The following SDK1 variants were observed in gnomAD, a reference collection of about 807,000 sequenced individuals.
SDK1 encodes the protein sidekick cell adhesion molecule 1, also known as protein sidekick-1.
Under a neutral mutation model 245.5 loss-of-function variants are expected in SDK1, and 157 were observed. That is an observed-to-expected ratio of 0.64 (90% CI 0.56 to 0.73). The LOEUF (loss-of-function observed/expected upper bound fraction) is 0.73. Among genes scored for constraint, SDK1 ranks in the 30% least tolerant of loss-of-function variants. The pLI, the probability that SDK1 is intolerant of heterozygous loss-of-function variation, is 0.00. For missense variants in SDK1, 3,583 were observed against 3,002.3 expected (o/e 1.19, Z -4.52); for synonymous variants, 1,647 against 1,278.5 (o/e 1.29, Z -6.15).
chr7:4,186,666 G>C (rs1167330174), intron 35 of SDK1, among the ~76,000 whole-genome samples: 2 of 152,166 alleles, frequency 1.3e-5, no homozygotes, highest in Non-Finnish European at 2.9e-5. Context: ...TGCCGTCAAT[G>C]AGTAGAGCCC....
rs1562626491 is a variant in SDK1, at chr7:3,988,156, TTAC to T, written c.2131+835_2131+837del. ...TGTTTTTTTTTTTTTTTTTTTTTTT[TTAC>T]CTCACTCCTGCAGCCACCCAAATCT... On this transcript the variant is annotated intron_variant, in intron 14 of 44. Transcript: ENST00000404826. Among the ~76,000 whole-genome samples the T allele has an allele frequency of 4.6e-3, 555 of 121,050 alleles. 3 individuals carry two copies. The highest frequency in any genetic ancestry group is 0.018 in the African/African-American group (522 of 29,774). 79.4% of individuals were successfully genotyped at this position (121,050 alleles called of 152,430 possible).
Position 3,954,754 on chromosome 7 carries a change from G to T in SDK1, c.1150+2834G>T, listed in dbSNP as rs184060080. ...CATCCATAAAATGGAGATGGATGTAGATGGTACCAGCTCATATTGTGAAGG... is the reference window on the plus strand; with the variant it reads ...CATCCATAAAATGGAGATGGATGTATATGGTACCAGCTCATATTGTGAAGG... On this transcript the variant is annotated intron_variant, in intron 7 of 44. Transcript: ENST00000404826. 2.8e-3 allele frequency among the ~76,000 whole-genome samples: 425 copies of T among 150,516 alleles called. 1 individual carries two copies. Among genetic ancestry groups the T allele is most frequent in the Non-Finnish European group, 4.8e-3 (328 of 67,742 alleles).
rs920158968 is a variant in SDK1 at position 4,267,761 on chromosome 7, G to A, written c.*2377G>A. On this transcript the variant is annotated 3_prime_UTR_variant, in exon 45 of 45. Coordinates refer to ENST00000404826, the MANE Select transcript of SDK1 (RefSeq NM_152744.4). ...CTTCTGTTTCAAGCTCATGTTTTCCGTCTCCCCTCCACTCTTAGTAAACCT... is the reference window on the plus strand; with the variant it reads ...CTTCTGTTTCAAGCTCATGTTTTCCATCTCCCCTCCACTCTTAGTAAACCT... The A allele has an allele frequency of 1.1e-4, 111 of 985,296 alleles. No homozygotes were observed. The highest frequency in any genetic ancestry group is 2.5e-4 in the Admixed American group (4 of 16,258). The allele number at this position is 985,296 out of a possible 1,614,324, so 61.0% of individuals were successfully genotyped here.
chr7:3,987,148 G>A (rs752363815), intron 13 of SDK1, 38 bp from the exon 14 acceptor site: 9 of 1,611,692 alleles, frequency 5.6e-6, no homozygotes, highest in African/African-American at 1.3e-5. Flanking sequence ...TCTGACATGT[G>A]TTTTCCTCTT....
At chr7:3,829,614 T>C (rs1369708204) in intron 5 of SDK1, among the ~76,000 whole-genome samples, 1 of 152,124 alleles carries the variant, frequency 6.6e-6, no homozygotes, top group Non-Finnish European at 1.5e-5. Context: ...ACATATACCA[T>C]GGAGGCTGGG....
intron 38 of SDK1, among the ~76,000 whole-genome samples, chr7:4,214,738 C>T (rs1784693722): frequency 6.6e-6 from 1 of 152,208 alleles, no homozygotes; most frequent in Admixed American, 6.5e-5. Context: ...GTGTGGATTG[C>T]CCAGCGGTGC....
intron 1 of SDK1, among the ~76,000 whole-genome samples, chr7:3,358,749 A>AT (rs1312580532): frequency 2.6e-5 from 4 of 152,256 alleles, no homozygotes; most frequent in Non-Finnish European, 1.5e-5. Flanking sequence ...TGAGGTCTTT[A>AT]TACGTACTTG....
intron 22 of SDK1, among the ~76,000 whole-genome samples, chr7:4,095,523 T>G (rs1340718160): frequency 6.6e-6 from 1 of 152,214 alleles, no homozygotes; most frequent in East Asian, 1.9e-4. Context: ...TACTTTCACC[T>G]TCTTGTTTGT....
At chr7:3,901,115 A>G (rs10215340) in intron 5 of SDK1, among the ~76,000 whole-genome samples, 44,543 of 152,060 alleles carry the variant, frequency 0.29, 8,272 homozygotes, top group African/African-American at 0.53. Flanking sequence ...GTTGTTTGGC[A>G]GAATGTCCTT....
At chr7:3,703,060 CAAAAAA>C (rs34926857) in intron 4 of SDK1, among the ~76,000 whole-genome samples, 58 of 87,640 alleles carry the variant, frequency 6.6e-4, no homozygotes, top group African/African-American at 1.8e-3. Flanking sequence ...GACTCTGTCT[CAAAAAA>C]AAAAAAAAAA....
intron 44 of SDK1, among the ~76,000 whole-genome samples, chr7:4,264,092 G>GGGGGAGGCCGCGTAGACCTCTCCTGAGT (rs1211305318): frequency 5.3e-5 from 4 of 75,824 alleles, no homozygotes; most frequent in African/African-American, 2.2e-4. Flanking sequence ...TCTCCTGAGT[G>GGGGGAGGCCGCGTAGACCTCTCCTGAGT]GGGGAGGCCG....
intron 5 of SDK1, among the ~76,000 whole-genome samples, chr7:3,826,702 A>G (rs1172331206): frequency 6.6e-6 from 1 of 152,240 alleles, no homozygotes; most frequent in Non-Finnish European, 1.5e-5. Flanking sequence ...GAGAATTTTC[A>G]GACCCTTCCT....
At chr7:4,144,061 G>A (rs561463475) in intron 28 of SDK1, among the ~76,000 whole-genome samples, 5 of 152,050 alleles carry the variant, frequency 3.3e-5, no homozygotes, top group South Asian at 2.1e-4. Context: ...TGCAAGGGTC[G>A]GGGAAACGGG....
intron 42 of SDK1, among the ~76,000 whole-genome samples, chr7:4,238,170 C>A (rs2128237252): frequency 6.6e-6 from 1 of 152,188 alleles, no homozygotes; most frequent in South Asian, 2.1e-4. Context: ...ACCTCTGTCT[C>A]CTGCATTCAA....
intron 1 of SDK1, among the ~76,000 whole-genome samples, chr7:3,339,384 T>G (rs1780286104): frequency 6.6e-6 from 1 of 152,194 alleles, no homozygotes; most frequent in Non-Finnish European, 1.5e-5. Flanking sequence ...TCTTAGCAAT[T>G]AGTAAAACTA....
At chr7:3,486,129 A>G (rs1347537359) in intron 1 of SDK1, among the ~76,000 whole-genome samples, 4 of 151,842 alleles carry the variant, frequency 2.6e-5, no homozygotes, top group South Asian at 4.2e-4. Context: ...GATTTCTTCT[A>G]TGGTTATTTG....
intron 22 of SDK1, among the ~76,000 whole-genome samples, chr7:4,083,700 C>CCTTCACTTCCTCCCTCCCTT (rs1781228647): frequency 1.0e-5 from 1 of 97,136 alleles, no homozygotes; most frequent in African/African-American, 4.5e-5. Flanking sequence ...TTCCCTCCCT[C>CCTTCACTTCCTCCCTCCCTT]CTTTACTTCC....
intron 35 of SDK1, among the ~76,000 whole-genome samples, chr7:4,185,648 G>C (rs953324802): frequency 6.6e-6 from 1 of 152,126 alleles, no homozygotes; most frequent in African/African-American, 2.4e-5. Context: ...AGGATTAGCT[G>C]TTTCTTCCTC....
At chr7:4,196,952 G>A (rs1201628475) in intron 35 of SDK1, among the ~76,000 whole-genome samples, 6 of 152,214 alleles carry the variant, frequency 3.9e-5, no homozygotes, top group African/African-American at 1.2e-4. Context: ...GTCAGGCCCT[G>A]GAATGAGACC....
Sources: allele counts gnomAD v4.1 joint callset (sites outside exome capture counted in the v4.1 genomes callset), GRCh38; gene constraint gnomAD v4.1.1; transcripts MANE v1.5; gene names NCBI Gene and HGNC (gene_info 2026-07-23, HGNC 2026-07-21).